The following ESRRB variants were observed in gnomAD, a reference collection of about 807,000 sequenced individuals.
ESRRB encodes the protein steroid hormone receptor ERR2.
In ESRRB, 16 loss-of-function variants were observed where a neutral mutation model predicts 46.0. That is an observed-to-expected ratio of 0.35 (90% CI 0.24 to 0.53). The LOEUF (loss-of-function observed/expected upper bound fraction) is 0.53, where lower values mean the gene tolerates loss of function less well. ESRRB is among the 20% of genes least tolerant of loss of function. The pLI, the probability that ESRRB is intolerant of heterozygous loss-of-function variation, is 0.93. For synonymous variants in ESRRB, 246 were observed against 259.6 expected (o/e 0.95, Z 0.50); for missense variants, 488 against 607.4 (o/e 0.80, Z 2.07).
intron 1 of ESRRB, among the ~76,000 whole-genome samples, chr14:76,415,870 T>C (rs1886676557): frequency 6.6e-6 from 1 of 152,204 alleles, no homozygotes; most frequent in Non-Finnish European, 1.5e-5. Context: ...GGATATGATA[T>C]CACTTTTATA....
intron 1 of ESRRB, among the ~76,000 whole-genome samples, chr14:76,343,654 G>T (rs1260796888): frequency 3.9e-5 from 6 of 152,328 alleles, no homozygotes; most frequent in South Asian, 2.1e-4. Context: ...CCCTCCACGG[G>T]GCTGCTTGGG....
upstream of ESRRB, among the ~76,000 whole-genome samples, chr14:76,370,219 C>A (rs544117279): frequency 3.3e-5 from 4 of 122,154 alleles, no homozygotes; most frequent in East Asian, 6.9e-4. Flanking sequence ...AAAACCCCAT[C>A]CCTGCTAAAA....
At position 76,376,703 on chromosome 14, in the gene ESRRB, C is replaced by T. The variant is rs774766365; in HGVS notation, c.50+252C>T. ...CAGGCAAGAGTGGCGCTTTCTCATG[C>T]ACTTTCTCCCTTTCTCTCTCCTCTC... On this transcript the variant is annotated intron_variant, in intron 1 of 6. Coordinates refer to ENST00000644823, the MANE Select transcript of ESRRB (RefSeq NM_001379180.1). This position sits in a 1 kb window ranked among gnomAD's most constrained non-coding sequence, Gnocchi z 4.1. Among the ~76,000 whole-genome samples the T allele has an allele frequency of 2.1e-4, 32 of 152,168 alleles. No individual in the cohort carries two copies. Among genetic ancestry groups the T allele is most frequent in the Non-Finnish European group, 4.1e-4 (28 of 68,040 alleles).
rs546669812 is a variant in ESRRB at position 76,442,818 on chromosome 14, T to G, written c.460+3068T>G. ...TTCTTTTTTCTTTTCTTTTTTTTCT[T>G]TTTTTTTTTTTTTTGAGACAGAGTC... On this transcript the variant is annotated intron_variant, in intron 2 of 6. Transcript: ENST00000644823. Among the ~76,000 whole-genome samples, 6 of 140,814 alleles carry G rather than the reference T, an allele frequency of 4.3e-5. No individual in the cohort carries two copies. The South Asian group carries it at 9.0e-4, about 21-fold the overall frequency. The allele number at this position is 140,814 out of a possible 152,430, so 92.4% of individuals were successfully genotyped here. A position where few individuals can be genotyped will look rare whatever the true frequency, so the allele number is the denominator to read the frequency against.
intron 3 of ESRRB, among the ~76,000 whole-genome samples, chr14:76,478,429 C>A (rs1261707843): frequency 3.1e-5 from 4 of 130,744 alleles, no homozygotes; most frequent in Admixed American, 1.5e-4. Flanking sequence ...TGCCGAGGGA[C>A]AGACACCTCT....
chr14:76,450,723 C>T (rs1402000213), intron 2 of ESRRB, among the ~76,000 whole-genome samples: 2 of 152,190 alleles, frequency 1.3e-5, no homozygotes, highest in East Asian at 1.9e-4. Flanking sequence ...ATGCAGCTGG[C>T]GGATCTGGAT....
At chr14:76,475,707 A>T (rs1889555735) in intron 3 of ESRRB, among the ~76,000 whole-genome samples, 1 of 152,086 alleles carries the variant, frequency 6.6e-6, no homozygotes, top group African/African-American at 2.4e-5. Context: ...GTATGTTCAG[A>T]TTTCTCTTTT....
At chr14:76,438,907 C>G (rs1237937172) in intron 1 of ESRRB, among the ~76,000 whole-genome samples, 3 of 151,988 alleles carry the variant, frequency 2.0e-5, no homozygotes, top group African/African-American at 7.2e-5. Flanking sequence ...CTCAAGCAAT[C>G]CTCCCTCCTC....
chr14:76,459,741 T>TA (rs1234707046), intron 2 of ESRRB, among the ~76,000 whole-genome samples: 1 of 152,166 alleles, frequency 6.6e-6, no homozygotes, highest in Non-Finnish European at 1.5e-5. Flanking sequence ...CTCTAAGAAA[T>TA]AGGGCTAGAC....
intron 1 of ESRRB, among the ~76,000 whole-genome samples, chr14:76,326,198 T>C (rs755211): frequency 0.87 from 131,800 of 152,044 alleles, 57,342 homozygotes; most frequent in East Asian, 1. Flanking sequence ...TTTTTAACAC[T>C]TGCTCTGTGC....
At chr14:76,441,487 T>G (rs1022782530) in intron 2 of ESRRB, among the ~76,000 whole-genome samples, 9 of 152,126 alleles carry the variant, frequency 5.9e-5, no homozygotes, top group African/African-American at 2.2e-4. Flanking sequence ...GTTAATTTTA[T>G]TTTTAATAGA....
chr14:76,496,324 G>T (rs1276436750), intron 6 of ESRRB, among the ~76,000 whole-genome samples: 1 of 116,488 alleles, frequency 8.6e-6, no homozygotes, highest in Non-Finnish European at 1.9e-5. Context: ...AGGGCTCAAG[G>T]AGGGAAGAGT....
upstream of ESRRB, among the ~76,000 whole-genome samples, chr14:76,373,988 G>A (rs901903809): frequency 5.3e-5 from 8 of 152,172 alleles, no homozygotes; most frequent in African/African-American, 1.7e-4. Context: ...TCTACCAAGT[G>A]TGTCTTGTTT....
At chr14:76,430,677 C>T (rs1238456513) in intron 1 of ESRRB, among the ~76,000 whole-genome samples, 1 of 152,168 alleles carries the variant, frequency 6.6e-6, no homozygotes, top group East Asian at 1.9e-4. Flanking sequence ...AGATGAGGAC[C>T]CTGAGGTCCA....
At chr14:76,399,256 G>A (rs12050313) in intron 1 of ESRRB, among the ~76,000 whole-genome samples, 43,789 of 151,990 alleles carry the variant, frequency 0.29, 6,680 homozygotes, top group East Asian at 0.54. Context: ...AATCCATCAG[G>A]AAGCTCCCTG....
At chr14:76,391,360 A>AG (rs547805868) in intron 1 of ESRRB, among the ~76,000 whole-genome samples, 91 of 152,350 alleles carry the variant, frequency 6.0e-4, no homozygotes, top group African/African-American at 2.0e-3. Context: ...TGCCATCAGG[A>AG]GGGGCAGTTC....
intron 1 of ESRRB, chr14:76,407,486 C>T (rs1206273191): frequency 1.0e-6 from 1 of 959,858 alleles, no homozygotes; most frequent in Non-Finnish European, 1.2e-6. Flanking sequence ...GGTTTAGGGA[C>T]CAGAGTCTGG....
chr14:76,368,417 A>T (rs1884552230), upstream of ESRRB, among the ~76,000 whole-genome samples: 1 of 152,144 alleles, frequency 6.6e-6, no homozygotes, highest in African/African-American at 2.4e-5. Context: ...TTATCATGCC[A>T]TGAAGCTGGA....
chr14:76,414,205 C>G (rs1338455325), intron 1 of ESRRB, among the ~76,000 whole-genome samples: 1 of 74,484 alleles, frequency 1.3e-5, no homozygotes, highest in Non-Finnish European at 2.6e-5. Flanking sequence ...GCAGCGTCCC[C>G]CCGCCCCTGC....
Sources: gnomAD v4.1 joint callset for allele counts (sites outside exome capture counted in the v4.1 genomes callset) on GRCh38, gnomAD v4.1.1 for gene constraint, Gnocchi (gnomAD v3.1) non-coding constraint, MANE v1.5 for transcripts, NCBI Gene and HGNC (gene_info 2026-07-23, HGNC 2026-07-21) for gene names.